ASTN2: variants seen among roughly 807,000 people sequenced by gnomAD.
ASTN2 encodes the protein astrotactin-2.
ASTN2 carries 54 observed loss-of-function variants against 139.8 expected under a neutral mutation model. The observed-to-expected ratio is 0.39, with a 90% CI of 0.31 to 0.48. ASTN2 has a LOEUF of 0.48. Among genes scored for constraint, ASTN2 ranks in the 20% least tolerant of loss-of-function variants. ASTN2 has a pLI of 0.95. For synonymous variants in ASTN2, 756 were observed against 719.5 expected, an observed-to-expected ratio of 1.05 and a Z score of -0.81; for missense variants, 1,565 against 1,725.1, an observed-to-expected ratio of 0.91 and a Z score of 1.64.
chr9:117,154,284 A>G (rs1830386570), intron 3 of ASTN2, among the ~76,000 whole-genome samples: 2 of 152,050 alleles, frequency 1.3e-5, no homozygotes, highest in Non-Finnish European at 2.9e-5. Context: ...AATGGCTTAT[A>G]ATTTCCATTT....
At chr9:116,480,953 G>A (rs539275425) in intron 20 of ASTN2, among the ~76,000 whole-genome samples, 1 of 152,344 alleles carries the variant, frequency 6.6e-6, no homozygotes, top group South Asian at 2.1e-4. Flanking sequence ...AGTAGTCACA[G>A]TGGTTACTCC....
intron 1 of ASTN2, among the ~76,000 whole-genome samples, chr9:117,331,830 C>T (rs896521186): frequency 6.6e-6 from 1 of 152,172 alleles, no homozygotes; most frequent in African/African-American, 2.4e-5. Flanking sequence ...GAGGGAGGGT[C>T]TCATCTCCCT....
chr9:117,146,349 T>A (rs7868099), intron 3 of ASTN2, among the ~76,000 whole-genome samples: 1 of 151,568 alleles, frequency 6.6e-6, no homozygotes, highest in African/African-American at 2.4e-5. Flanking sequence ...CTCTTTCTAA[T>A]TGACATATAA....
At chr9:116,669,962 G>A (rs1407867476) in intron 16 of ASTN2, among the ~76,000 whole-genome samples, 3 of 151,714 alleles carry the variant, frequency 2.0e-5, no homozygotes, top group African/African-American at 4.8e-5. Flanking sequence ...GTGCCACCAC[G>A]CCCAGCTAAT....
chr9:116,495,771 A>G (rs1398644539), intron 19 of ASTN2, among the ~76,000 whole-genome samples: 1 of 152,154 alleles, frequency 6.6e-6, no homozygotes, highest in Non-Finnish European at 1.5e-5. Flanking sequence ...CCAAAACCCG[A>G]GCCTTTCCTA....
chr9:116,768,149 C>T (rs1376057894), intron 13 of ASTN2, among the ~76,000 whole-genome samples: 1 of 152,204 alleles, frequency 6.6e-6, no homozygotes, highest in African/African-American at 2.4e-5. Flanking sequence ...TCTCTCTCCA[C>T]TTTCTTGTTA....
At chr9:117,074,664 C>T (rs543079627) in intron 5 of ASTN2, among the ~76,000 whole-genome samples, 1 of 152,096 alleles carries the variant, frequency 6.6e-6, no homozygotes, top group Admixed American at 6.6e-5. Context: ...GCTACAGGGA[C>T]CACAGTAGCA....
chr9:116,964,140 G>T (rs573672019), intron 10 of ASTN2, among the ~76,000 whole-genome samples: 10 of 151,986 alleles, frequency 6.6e-5, no homozygotes, highest in Non-Finnish European at 1.5e-4. Context: ...AGAGGCAAAG[G>T]AGTTGAACCT....
At position 117,090,058 on chromosome 9, in the gene ASTN2, T is replaced by A. The variant is rs115606337; in HGVS notation, c.1276+5986A>T. On this transcript the variant is annotated intron_variant, in intron 5 of 22. Transcript: ENST00000313400. ...CATACAGGTGAGGGTAACATATCAA[T>A]GGTTTAAGGCAGGAGTCAGCTAAGT... Among the ~76,000 whole-genome samples the A allele has an allele frequency of 2.6e-5, 4 of 152,326 alleles. No individual in the cohort carries two copies. In the East Asian group the frequency reaches 7.7e-4, roughly 29 times the overall value.
chr9:116,733,580 A>G, intron 13 of ASTN2, 57 bp from the exon 14 acceptor site: 1 of 1,607,942 alleles, frequency 6.2e-7, no homozygotes, highest in Non-Finnish European at 8.5e-7. Flanking sequence ...GCTGAGGACT[A>G]CAGGGCAAGG....
intron 6 of ASTN2, among the ~76,000 whole-genome samples, chr9:117,016,632 A>ATGTTACATATATATAGGT (rs1837698814): frequency 5.7e-5 from 1 of 17,484 alleles, no homozygotes; most frequent in Non-Finnish European, 1.3e-4. Flanking sequence ...ATCTATATAT[A>ATGTTACATATATATAGGT]TATATATATA....
At chr9:116,912,387 G>C (rs966292235) in intron 10 of ASTN2, among the ~76,000 whole-genome samples, 1 of 152,204 alleles carries the variant, frequency 6.6e-6, no homozygotes, top group African/African-American at 2.4e-5. Flanking sequence ...CACCCAGTAG[G>C]TGCTCAGAAA....
At chr9:117,158,804 C>T (rs1022152468) in intron 3 of ASTN2, among the ~76,000 whole-genome samples, 1 of 151,958 alleles carries the variant, frequency 6.6e-6, no homozygotes. Flanking sequence ...ATTAAATTTG[C>T]TTATCATGAA....
In ASTN2 at chr9:116,742,975, C is replaced by A. The variant is rs537948582; in HGVS notation, c.2397-9452G>T. ...AAAAAACTACCCAAGACCATCCATA[C>A]CTCAATGGATGCCAGTGCCAGCGCT... On this transcript the variant is annotated intron_variant, in intron 13 of 22. Transcript: ENST00000313400. Among the ~76,000 whole-genome samples the A allele has an allele frequency of 1.1e-4, 16 of 152,174 alleles. No individual in the cohort carries two copies. In the South Asian group the frequency reaches 2.5e-3, roughly 24 times the overall value.
chr9:116,870,123 G>T (rs1833123059), intron 10 of ASTN2, among the ~76,000 whole-genome samples: 1 of 151,448 alleles, frequency 6.6e-6, no homozygotes, highest in African/African-American at 2.4e-5. Context: ...GTGAGACCCT[G>T]TCTCAAAAAA....
intron 4 of ASTN2, among the ~76,000 whole-genome samples, chr9:117,106,589 G>A (rs35531960): frequency 1.3e-5 from 2 of 152,036 alleles, no homozygotes; most frequent in African/African-American, 2.4e-5. Context: ...CATATTTATT[G>A]TAGAAATGTT....
intron 10 of ASTN2, among the ~76,000 whole-genome samples, chr9:116,921,279 G>A (rs1286777582): frequency 2.6e-5 from 4 of 152,170 alleles, no homozygotes; most frequent in Admixed American, 2.6e-4. Flanking sequence ...GCATGAGCCT[G>A]TTCTCACACT....
chr9:117,388,301 A>T (rs1486951416), intron 1 of ASTN2, among the ~76,000 whole-genome samples: 1 of 152,188 alleles, frequency 6.6e-6, no homozygotes, highest in Non-Finnish European at 1.5e-5. Context: ...TATATCCCAG[A>T]CGGAACATCA....
Position 117,225,907 on chromosome 9 carries a change from C to T in ASTN2, c.631-11165G>A, listed in dbSNP as rs1832699251. Among the ~76,000 whole-genome samples the T allele has an allele frequency of 2.0e-5, 3 of 152,006 alleles. No homozygotes were observed. In the South Asian group the frequency reaches 6.2e-4, roughly 32 times the overall value. The stretch of plus-strand genomic sequence containing the variant: ...ACTACTATTATTGTAATTTTCTGAC[C>T]CTGTAGCAAACCTTCTGCCTCGATT... On this transcript the variant is annotated intron_variant, in intron 2 of 22. Coordinates refer to ENST00000313400, the MANE Select transcript of ASTN2 (RefSeq NM_001365068.1).
Sources: gnomAD v4.1 joint callset for allele counts (sites outside exome capture counted in the v4.1 genomes callset) on GRCh38, gnomAD v4.1.1 for gene constraint, MANE v1.5 for transcripts, NCBI Gene and HGNC (gene_info 2026-07-23, HGNC 2026-07-21) for gene names.